The following SIRT5 variants were observed in gnomAD, a reference collection of about 807,000 sequenced individuals.
The protein encoded by SIRT5 is NAD-dependent protein deacylase sirtuin-5, mitochondrial.
A neutral mutation model predicts 40.0 loss-of-function variants in SIRT5; 26 were observed. That is an observed-to-expected ratio of 0.65 (90% CI 0.48 to 0.90). The LOEUF (loss-of-function observed/expected upper bound fraction) is 0.90, where lower values mean the gene tolerates loss of function less well. Among genes scored for constraint, SIRT5 ranks in the 40% least tolerant of loss-of-function variants. SIRT5 has a pLI of 0.00. For synonymous variants in SIRT5, 146 were observed against 149.1 expected (o/e 0.98, Z 0.15); for missense variants, 401 against 402.4 (o/e 1.00, Z 0.03).
intron 9 of SIRT5, chr6:13,604,801 A>G: frequency 1.8e-6 from 2 of 1,118,452 alleles, no homozygotes; most frequent in Non-Finnish European, 2.2e-6. Context: ...TTCAGCTGCT[A>G]CTTCAGCCAA....
chr6:13,586,676 C>CAGGAGAAGA (rs1277798706), intron 3 of SIRT5, among the ~76,000 whole-genome samples: 2 of 152,038 alleles, frequency 1.3e-5, no homozygotes, highest in East Asian at 3.9e-4. Context: ...CTTCTGAATT[C>CAGGAGAAGA]ATTTTTACCA....
At chr6:13,608,188 T>G (rs1763369730) in intron 9 of SIRT5, among the ~76,000 whole-genome samples, 1 of 152,258 alleles carries the variant, frequency 6.6e-6, no homozygotes, top group Non-Finnish European at 1.5e-5. Context: ...AAGCCCTTCC[T>G]TAACAATTGG....
At chr6:13,583,529 G>A (rs1335936566) in intron 2 of SIRT5, among the ~76,000 whole-genome samples, 1 of 152,030 alleles carries the variant, frequency 6.6e-6, no homozygotes, top group Admixed American at 6.5e-5. Context: ...CCTGACCTCA[G>A]GTGATCCACC....
At chr6:13,611,662 A>G in intron 9 of SIRT5, 128 bp from the exon 10 acceptor site, 1 of 718,022 alleles carries the variant, frequency 1.4e-6, no homozygotes, top group East Asian at 2.5e-5. Context: ...GGAAATTCAT[A>G]ATACCATCTT....
At chr6:13,605,484 T>TA (rs1762987110) in intron 9 of SIRT5, 29 of 985,308 alleles carry the variant, frequency 2.9e-5, no homozygotes, top group Admixed American at 6.1e-5. Flanking sequence ...GCTAGAATGC[T>TA]GCCTATATTT....
intron 9 of SIRT5, among the ~76,000 whole-genome samples, chr6:13,606,149 C>G (rs950363029): frequency 6.6e-6 from 1 of 152,156 alleles, no homozygotes; most frequent in African/African-American, 2.4e-5. Context: ...ATGCACAAAC[C>G]TCATTAAGAA....
chr6:13,586,063 G>A (rs1304092754), intron 3 of SIRT5, among the ~76,000 whole-genome samples: 3 of 152,148 alleles, frequency 2.0e-5, no homozygotes, highest in Non-Finnish European at 4.4e-5. Context: ...GTCTGTTCAT[G>A]TCCTTTGCCC....
chr6:13,591,854 G>A lies in SIRT5; in HGVS notation c.435G>A (p.Leu145=), dbSNP rs760254434. 6.2e-7 allele frequency: 1 copy of A among 1,613,926 alleles called. No individual in the cohort carries two copies. The highest frequency in any genetic ancestry group is 1.3e-5 in the African/African-American group (1 of 74,936). ...TCATCACCCAGAACATCGATGAGCT[G>A]CACCGCAAGGCTGGCACCAAGAACC... ...VVVITQNIDE[L]HRKAGTKNLL... is the part of the protein sequence containing the mutation. Residue 145 remains leucine, a synonymous_variant, in exon 5 of 10, where the codon CTG becomes CTA. Transcript: ENST00000606117.
intron 2 of SIRT5, among the ~76,000 whole-genome samples, chr6:13,580,782 C>T (rs1759246604): frequency 6.6e-6 from 1 of 152,192 alleles, no homozygotes; most frequent in African/African-American, 2.4e-5. Context: ...GATCCTCCTA[C>T]CTCAGCCTCC....
chr6:13,579,055 T>C (rs1156800024), intron 1 of SIRT5, among the ~76,000 whole-genome samples: 1 of 152,176 alleles, frequency 6.6e-6, no homozygotes, highest in East Asian at 1.9e-4. Flanking sequence ...ACTGTCACAA[T>C]GGTGCCTTGT....
At chr6:13,583,704 A>G (rs1377823737) in intron 2 of SIRT5, among the ~76,000 whole-genome samples, 1 of 152,218 alleles carries the variant, frequency 6.6e-6, no homozygotes, top group Non-Finnish European at 1.5e-5. Context: ...ACCTGGAAAT[A>G]GATGATGGGG....
intron 9 of SIRT5, chr6:13,604,643 C>CA: frequency 7.0e-7 from 1 of 1,433,858 alleles, no homozygotes; most frequent in Non-Finnish European, 9.1e-7. Context: ...GACTGAGCAG[C>CA]AGGGGCCCAG....
In SIRT5 at chr6:13,599,063, C is replaced by T. The variant is rs746975863; in HGVS notation, c.649C>T (p.Arg217Ter). The change falls in exon 8 of 10, where the codon CGA becomes TGA. Residue 217 changes from arginine to a stop codon, truncating the protein, a stop_gained. Transcript: ENST00000606117. LOFTEE classifies it high-confidence loss of function. The stretch of plus-strand genomic sequence containing the variant: ...AGAGGCAGGCTGCGGGGGCTTGCTG[C>T]GACCTCACGTCGTGTGGTTTGGAGA... The part of the protein sequence containing the change: ...CEEAGCGGLL[R>*]PHVVWFGENL... 6 of 1,613,880 alleles carry T rather than the reference C, an allele frequency of 3.7e-6. No homozygotes were observed. Among genetic ancestry groups the T allele is most frequent in the East Asian group, 2.2e-5 (1 of 44,868 alleles).
In SIRT5 at chr6:13,604,352, G is replaced by C. The variant is rs1762811517; in HGVS notation, c.857+3403G>C. On this transcript the variant is annotated intron_variant, in intron 9 of 9. Transcript: ENST00000606117. ...AGCGTAGTAATACCGGAGCTAGGCA[G>C]CTCAAGCCTCCTGTCTGTTTGAAAG... The C allele has an allele frequency of 8.0e-6, 6 of 745,960 alleles. No homozygotes were observed. In the South Asian group the frequency reaches 9.3e-5, roughly 12 times the overall value. 46.2% of individuals were successfully genotyped at this position (745,960 alleles called of 1,614,324 possible).
At chr6:13,578,709 T>G (rs1187072806) in intron 1 of SIRT5, among the ~76,000 whole-genome samples, 1 of 151,566 alleles carries the variant, frequency 6.6e-6, no homozygotes. Context: ...CATCAGGTTC[T>G]GAGTTTTCTG....
chr6:13,604,477 C>A, intron 9 of SIRT5: 1 of 1,545,498 alleles, frequency 6.5e-7, no homozygotes, highest in African/African-American at 1.4e-5. Context: ...TCTTTTCAGT[C>A]ATTTGATCTC....
intron 9 of SIRT5, among the ~76,000 whole-genome samples, chr6:13,606,491 A>T (rs1388455003): frequency 6.6e-6 from 1 of 152,134 alleles, no homozygotes; most frequent in Non-Finnish European, 1.5e-5. Flanking sequence ...GTGTTAGGGA[A>T]GTCCAGCGCT....
At chr6:13,577,543 A>C (rs182162414) in intron 1 of SIRT5, among the ~76,000 whole-genome samples, 4 of 151,248 alleles carry the variant, frequency 2.6e-5, no homozygotes, top group Admixed American at 2.0e-4. Flanking sequence ...TTTTTGGTTG[A>C]GTCTTTAGTG....
Position 13,584,101 on chromosome 6 carries a change from A to G in SIRT5, c.-10A>G. On this transcript the variant is annotated 5_prime_UTR_variant, in exon 3 of 10. Coordinates refer to ENST00000606117, the MANE Select transcript of SIRT5 (RefSeq NM_012241.5). The stretch of plus-strand genomic sequence containing the variant: ...CCCGCCTCAAGCATTAGAACTACAG[A>G]CAAACCCTGATGCGACCTCTCCAGA... The G allele has an allele frequency of 1.2e-6, 2 of 1,610,478 alleles. No individual in the cohort carries two copies. Among genetic ancestry groups the G allele is most frequent in the Admixed American group, 1.7e-5 (1 of 60,000 alleles).
Sources: gnomAD v4.1 joint callset for allele counts (sites outside exome capture counted in the v4.1 genomes callset) on GRCh38, gnomAD v4.1.1 for gene constraint, MANE v1.5 for transcripts, NCBI Gene and HGNC (gene_info 2026-07-23, HGNC 2026-07-21) for gene names.